The following GUCA1B variants were observed in gnomAD, a reference collection of about 807,000 sequenced individuals.
GUCA1B encodes guanylate cyclase activator 1B.
GUCA1B carries 22 observed loss-of-function variants against 24.2 expected under a neutral mutation model. The ratio of observed to expected loss-of-function variants is 0.91; its 90% confidence interval spans 0.65 to 1.30. The LOEUF is 1.30. Among genes scored for constraint, GUCA1B ranks in the 50% most tolerant of loss-of-function variants. The probability of loss-of-function intolerance (pLI) is 0.00; values close to 1 mark genes in which losing one functional copy is unlikely to be tolerated. For synonymous variants in GUCA1B, 100 were observed against 97.9 expected, an observed-to-expected ratio of 1.02 and a Z score of -0.13; for missense variants, 221 against 258.8, an observed-to-expected ratio of 0.85 and a Z score of 1.00.
intron 1 of GUCA1B, among the ~76,000 whole-genome samples, 155 bp from the exon 2 acceptor site, chr6:42,188,886 T>TTCTATCTATCTATCTATCTA (rs11270970): frequency 3.2e-4 from 37 of 116,454 alleles, no homozygotes; most frequent in African/African-American, 1.7e-3. Context: ...GTAGAGAACA[T>TTCTATCTATCTATCTATCTA]TCTATCTATC....
rs1336032395 is a variant in GUCA1B, at chr6:42,183,703, C to A, written c.*1112G>T. On this transcript the variant is annotated 3_prime_UTR_variant, in exon 4 of 4. Coordinates refer to ENST00000230361, the MANE Select transcript of GUCA1B (RefSeq NM_002098.6). ...CCAGCCCACAATCCCAGTCAACAGT[C>A]CCCCAATTCTTGCCAGAGACAGACA... is the stretch of plus-strand genomic sequence containing the variant. 4.6e-5 allele frequency among the ~76,000 whole-genome samples: 7 copies of A among 152,100 alleles called. No homozygotes were observed. The highest frequency in any genetic ancestry group is 1.7e-4 in the African/African-American group (7 of 41,408).
intron 2 of GUCA1B, among the ~76,000 whole-genome samples, chr6:42,186,850 G>A (rs1008754152): frequency 6.6e-6 from 1 of 152,192 alleles, no homozygotes; most frequent in African/African-American, 2.4e-5. Flanking sequence ...TCTCTATGAA[G>A]CAGCTTCTTG....
At chr6:42,192,427 C>G (rs7449872) in intron 1 of GUCA1B, among the ~76,000 whole-genome samples, 135,401 of 137,320 alleles carry the variant, frequency 0.99, 66,766 homozygotes, top group East Asian at 1. Flanking sequence ...AAGAAAGAAA[C>G]CTGGCCGGGT....
chr6:42,192,052 G>GA (rs71545939), intron 1 of GUCA1B, among the ~76,000 whole-genome samples: 109 of 133,038 alleles, frequency 8.2e-4, no homozygotes, highest in Middle Eastern at 4.2e-3. Flanking sequence ...AAAAAAAAAA[G>GA]AAAAAAAAAA....
At chr6:42,194,523 G>C in intron 1 of GUCA1B, 91 bp downstream of exon 1, 1 of 808,726 alleles carries the variant, frequency 1.2e-6, no homozygotes, top group Non-Finnish European at 2.2e-6. Flanking sequence ...AAGAGCCGAG[G>C]AGTGGGGAAC....
intron 1 of GUCA1B, 144 bp from the exon 2 acceptor site, chr6:42,188,875 G>T: frequency 1.6e-6 from 1 of 626,270 alleles, no homozygotes; most frequent in Non-Finnish European, 2.7e-6. Context: ...CCACCCTTGG[G>T]GTAGAGAACA....
chr6:42,191,266 T>C (rs1233532191), intron 1 of GUCA1B, among the ~76,000 whole-genome samples: 1 of 152,128 alleles, frequency 6.6e-6, no homozygotes, highest in Non-Finnish European at 1.5e-5. Context: ...CCCTCCCCTT[T>C]CTTCCATTCC....
intron 2 of GUCA1B, among the ~76,000 whole-genome samples, chr6:42,186,700 C>T (rs9471800): frequency 0.32 from 48,954 of 151,924 alleles, 10,442 homozygotes; most frequent in African/African-American, 0.61. Context: ...ACAGAAGCTG[C>T]GTCTTATGCA....
At chr6:42,187,628 G>C (rs1337065965) in intron 2 of GUCA1B, among the ~76,000 whole-genome samples, 1 of 150,448 alleles carries the variant, frequency 6.6e-6, no homozygotes, top group Non-Finnish European at 1.5e-5. Context: ...TTACTATGTT[G>C]CCCAGGCTGG....
chr6:42,184,986 A>C, intron 3 of GUCA1B, 44 bp from the exon 4 acceptor site: 1 of 1,607,080 alleles, frequency 6.2e-7, no homozygotes, highest in Non-Finnish European at 8.5e-7. Flanking sequence ...AGAAGGGGAG[A>C]CCTGGGTCTG....
chr6:42,185,652 G>T (rs920834994), intron 3 of GUCA1B, 28 bp downstream of exon 3: 2 of 1,291,112 alleles, frequency 1.5e-6, no homozygotes, highest in Admixed American at 1.7e-5. Flanking sequence ...AGAGTGGACA[G>T]CACTCTCCCC....
intron 1 of GUCA1B, among the ~76,000 whole-genome samples, chr6:42,192,666 T>G (rs1768331224): frequency 1.3e-5 from 2 of 152,048 alleles, no homozygotes; most frequent in African/African-American, 4.8e-5. Context: ...GAGCTGAGAT[T>G]GTGCCACTGC....
chr6:42,190,866 T>C (rs958497942), intron 1 of GUCA1B, among the ~76,000 whole-genome samples: 2 of 152,218 alleles, frequency 1.3e-5, no homozygotes, highest in Admixed American at 1.3e-4. Context: ...AGAGTCTTCC[T>C]CATTCTTTGT....
At chr6:42,188,318 G>GTA (rs1208928889) in intron 2 of GUCA1B, among the ~76,000 whole-genome samples, 1 of 133,938 alleles carries the variant, frequency 7.5e-6, no homozygotes, top group Non-Finnish European at 1.6e-5. Flanking sequence ...GTGTGTGTGT[G>GTA]TGTGTGTGTG....
At chr6:42,193,594 G>A (rs1486270103) in intron 1 of GUCA1B, among the ~76,000 whole-genome samples, 4 of 152,204 alleles carry the variant, frequency 2.6e-5, no homozygotes, top group East Asian at 3.9e-4. Context: ...TGAGAAGTCC[G>A]AAACTGGCTC....
At chr6:42,188,807 G>C in intron 1 of GUCA1B, 76 bp from the exon 2 acceptor site, 1 of 1,397,464 alleles carries the variant, frequency 7.2e-7, no homozygotes, top group East Asian at 2.4e-5. Flanking sequence ...TGCAAACACA[G>C]GGCTTCTCCT....
At chr6:42,185,347 C>A (rs1390512091) in intron 3 of GUCA1B, among the ~76,000 whole-genome samples, 14 of 152,194 alleles carry the variant, frequency 9.2e-5, no homozygotes, top group Admixed American at 9.2e-4. Context: ...CCTATTCATT[C>A]CTCTCAACCA....
chr6:42,184,966 G>A, intron 3 of GUCA1B, 24 bp from the exon 4 acceptor site: 3 of 1,613,086 alleles, frequency 1.9e-6, no homozygotes, highest in Non-Finnish European at 2.5e-6. Flanking sequence ...AGGAGAGGTG[G>A]TCATGTAGAA....
rs1582328969 is a variant in GUCA1B at position 42,184,657 on chromosome 6, A to G, written c.*158T>C. ...GGACTATGCCCTGTTGGCCACTTCAAACCCAGCAGCCCTTCCCCATCCCCA... is the reference window on the plus strand; with the variant it reads ...GGACTATGCCCTGTTGGCCACTTCAGACCCAGCAGCCCTTCCCCATCCCCA... On this transcript the variant is annotated 3_prime_UTR_variant, in exon 4 of 4. Coordinates refer to ENST00000230361, the MANE Select transcript of GUCA1B (RefSeq NM_002098.6). 4 of 798,892 alleles carry G rather than the reference A, an allele frequency of 5.0e-6. No individual in the cohort carries two copies. In the East Asian group the frequency reaches 1.0e-4, roughly 20 times the overall value. 49.5% of individuals were successfully genotyped at this position (798,892 alleles called of 1,614,324 possible). A position where few individuals can be genotyped will look rare whatever the true frequency, so the allele number is the denominator to read the frequency against.
Sources: allele counts gnomAD v4.1 joint callset (sites outside exome capture counted in the v4.1 genomes callset), GRCh38; gene constraint gnomAD v4.1.1; transcripts MANE v1.5; gene names NCBI Gene and HGNC (gene_info 2026-07-23, HGNC 2026-07-21).